The following TTC21B variants were observed in gnomAD, a reference collection of about 807,000 sequenced individuals.
The protein encoded by TTC21B is tetratricopeptide repeat domain 21B.
In TTC21B, 127 loss-of-function variants were observed where a neutral mutation model predicts 175.1. The observed-to-expected ratio is 0.73, with a 90% CI of 0.63 to 0.84. The LOEUF is 0.84. Ranked by LOEUF, TTC21B falls within the 40% of genes least tolerant of loss-of-function variation. The pLI, the probability that TTC21B is intolerant of heterozygous loss-of-function variation, is 0.00. For synonymous variants in TTC21B, 524 were observed against 524.5 expected (o/e 1.00, Z 0.01); for missense variants, 1,561 against 1,558.3 (o/e 1.00, Z -0.03).
chr2:165,922,077 G>A (rs1163396005), intron 12 of TTC21B, among the ~76,000 whole-genome samples: 2 of 151,768 alleles, frequency 1.3e-5, no homozygotes, highest in Middle Eastern at 3.4e-3. Context: ...CAAGACTAGA[G>A]ACTTTAACAA....
chr2:165,923,306 CCATTA>C, intron 12 of TTC21B, among the ~76,000 whole-genome samples: 1 of 152,226 alleles, frequency 6.6e-6, no homozygotes, highest in East Asian at 1.9e-4. Flanking sequence ...TCTCATCACT[CCATTA>C]TATTACAGGA....
intron 27 of TTC21B, among the ~76,000 whole-genome samples, chr2:165,876,671 G>A (rs941648681): frequency 2.0e-5 from 3 of 152,186 alleles, no homozygotes; most frequent in African/African-American, 7.2e-5. Flanking sequence ...AGGAGAAAAA[G>A]TACATTTTAA....
chr2:165,907,527 A>G lies in TTC21B; in HGVS notation c.2568+151T>C, dbSNP rs1422645571. 3 of 640,980 alleles carry G rather than the reference A, an allele frequency of 4.7e-6. No individual in the cohort carries two copies. The African/African-American group carries it at 5.5e-5, about 12-fold the overall frequency. 39.7% of individuals were successfully genotyped at this position (640,980 alleles called of 1,614,324 possible). ...AGTAGTAATAGTATATTTAAAATGT[A>G]TAATTCATAAGCATTCAATAAGTAT... On this transcript the variant is annotated intron_variant, in intron 19 of 28. Coordinates refer to ENST00000243344, the MANE Select transcript of TTC21B (RefSeq NM_024753.5).
chr2:165,925,721 C>T (rs7608793), intron 11 of TTC21B, among the ~76,000 whole-genome samples: 38,595 of 152,064 alleles, frequency 0.25, 5,529 homozygotes, highest in Middle Eastern at 0.45. Flanking sequence ...AATACCCATA[C>T]AGTTCTACTG....
chr2:165,952,382 T>G (rs1272742231), intron 1 of TTC21B, among the ~76,000 whole-genome samples: 2 of 152,132 alleles, frequency 1.3e-5, no homozygotes, highest in African/African-American at 4.8e-5. Flanking sequence ...TTAGATGTGA[T>G]AGACCATACG....
chr2:165,901,326 T>C (rs1191603247), intron 20 of TTC21B, among the ~76,000 whole-genome samples: 1 of 152,184 alleles, frequency 6.6e-6, no homozygotes, highest in Non-Finnish European at 1.5e-5. Flanking sequence ...TATTTTTTTA[T>C]TTTATTTTTT....
chr2:165,922,247 G>T lies in TTC21B; in HGVS notation c.1516+2302C>A, dbSNP rs1179301456. On this transcript the variant is annotated intron_variant, in intron 12 of 28. Transcript: ENST00000243344. ...CTTAATAGTACAATTCAATCAGAAA[G>T]TATTAGTGTCACTTCTTACAATTGA... Among the ~76,000 whole-genome samples, 11 of 152,202 alleles carry T rather than the reference G, an allele frequency of 7.2e-5. No homozygotes were observed. In the South Asian group the frequency reaches 1.0e-3, roughly 14 times the overall value.
At chr2:165,943,185 G>T in intron 5 of TTC21B, 34 bp downstream of exon 5, 1 of 1,609,962 alleles carries the variant, frequency 6.2e-7, no homozygotes, top group Non-Finnish European at 8.5e-7. Context: ...AATATATTTT[G>T]AAACATGATT....
At chr2:165,934,106 C>A (rs1687016898) in intron 6 of TTC21B, 1 of 152,070 alleles carries the variant, frequency 6.6e-6, no homozygotes, top group Non-Finnish European at 1.5e-5. Flanking sequence ...TATTATATGT[C>A]CTGACATTTG....
chr2:165,909,386 A>T (rs1273499021), intron 18 of TTC21B, among the ~76,000 whole-genome samples: 1 of 152,138 alleles, frequency 6.6e-6, no homozygotes, highest in Non-Finnish European at 1.5e-5. Flanking sequence ...TGAAAAGCAG[A>T]TATATGATCA....
intron 25 of TTC21B, among the ~76,000 whole-genome samples, chr2:165,887,308 T>C (rs952296929): frequency 3.3e-5 from 5 of 152,174 alleles, no homozygotes; most frequent in Non-Finnish European, 5.9e-5. Flanking sequence ...TGAAATTCAA[T>C]GAGTATGCTT....
At chr2:165,901,465 A>G (rs559731907) in intron 20 of TTC21B, among the ~76,000 whole-genome samples, 1 of 151,848 alleles carries the variant, frequency 6.6e-6, no homozygotes, top group African/African-American at 2.4e-5. Context: ...GGATTACAGG[A>G]GGCGCCCCCC....
At chr2:165,936,949 C>T (rs1687173143) in intron 6 of TTC21B, among the ~76,000 whole-genome samples, 1 of 151,948 alleles carries the variant, frequency 6.6e-6, no homozygotes, top group Non-Finnish European at 1.5e-5. Context: ...TGTTCCTTGG[C>T]ATTTGATCCA....
At position 165,953,610 on chromosome 2, in the gene TTC21B, C is replaced by A; in HGVS notation, c.21+75G>T. On this transcript the variant is annotated intron_variant, in intron 1 of 28. Transcript: ENST00000243344. ...AGCGAAGCCACCCGAGCTCCCTCCG[C>A]GCCCCCGGGCCAAAAGGCCGCAAAG... is the stretch of plus-strand genomic sequence containing the variant. 10 of 1,533,310 alleles carry A rather than the reference C, an allele frequency of 6.5e-6. No individual in the cohort carries two copies. In the South Asian group the frequency reaches 1.1e-4, roughly 16 times the overall value. The allele number at this position is 1,533,310 out of a possible 1,614,324, so 95.0% of individuals were successfully genotyped here.
intron 22 of TTC21B, among the ~76,000 whole-genome samples, chr2:165,894,832 G>A (rs900053747): frequency 6.6e-6 from 1 of 152,140 alleles, no homozygotes; most frequent in Non-Finnish European, 1.5e-5. Context: ...AGTCTACAGT[G>A]TAATAAAGAA....
chr2:165,929,208 T>C lies in TTC21B; in HGVS notation c.1313A>G (p.Gln438Arg). The part of the protein sequence containing the change: ...SQLEGLPLGI[Q>R]YFEKLNPDFL... ...ATCAGGATTTAGCTTTTCAAAATAC[T>C]GTATGCCAAGAGGCAAACCTTCTAA... Residue 438 changes from glutamine to arginine, a missense_variant, in exon 11 of 29, where the codon CAG (glutamine) becomes CGG (arginine). Transcript: ENST00000243344. 6.2e-7 allele frequency: 1 copy of C among 1,613,116 alleles called. No homozygotes were observed. Among genetic ancestry groups the C allele is most frequent in the Non-Finnish European group, 8.5e-7 (1 of 1,179,384 alleles).
At chr2:165,929,104 A>G (rs1223478778) in intron 11 of TTC21B, 31 bp downstream of exon 11, 1 of 1,590,274 alleles carries the variant, frequency 6.3e-7, no homozygotes, top group Admixed American at 1.7e-5. Context: ...AAGTAAACGC[A>G]TCCTTGAAAG....
chr2:165,951,910 A>G (rs896304718), intron 1 of TTC21B, among the ~76,000 whole-genome samples: 1 of 152,224 alleles, frequency 6.6e-6, no homozygotes, highest in Non-Finnish European at 1.5e-5. Context: ...GGGAGGATGG[A>G]TGACTAAAAT....
chr2:165,891,575 AT>A (rs1043184366), intron 22 of TTC21B, among the ~76,000 whole-genome samples: 1 of 13,774 alleles, frequency 7.3e-5, no homozygotes. Flanking sequence ...TCTAAAAAAA[AT>A]TCATTCATTC....
Sources: allele counts gnomAD v4.1 joint callset (sites outside exome capture counted in the v4.1 genomes callset), GRCh38; gene constraint gnomAD v4.1.1; transcripts MANE v1.5; gene names NCBI Gene and HGNC (gene_info 2026-07-23, HGNC 2026-07-21).